NIBAN1: variants seen among roughly 807,000 people sequenced by gnomAD.
NIBAN1 encodes the protein protein Niban 1.
Under a neutral mutation model 75.1 loss-of-function variants are expected in NIBAN1, and 81 were observed. That is an observed-to-expected ratio of 1.08 (90% CI 0.90 to 1.30). NIBAN1 has a LOEUF of 1.30. Among genes scored for constraint, NIBAN1 ranks in the 50% most tolerant of loss-of-function variants. The pLI is 0.00. For missense variants in NIBAN1, 1,133 were observed against 1,128.1 expected (o/e 1.00, Z -0.06); for synonymous variants, 436 against 424.8 (o/e 1.03, Z -0.32).
At chr1:184,911,526 C>T (rs980177361) in intron 1 of NIBAN1, among the ~76,000 whole-genome samples, 8 of 152,160 alleles carry the variant, frequency 5.3e-5, no homozygotes, top group Admixed American at 2.6e-4. Flanking sequence ...AATTAAGTTG[C>T]ATCACTGTCT....
chr1:184,904,608 A>G (rs1050937135), intron 1 of NIBAN1, among the ~76,000 whole-genome samples: 6 of 151,938 alleles, frequency 3.9e-5, no homozygotes, highest in Non-Finnish European at 8.8e-5. Context: ...CCTTTTCCCC[A>G]TCCCAACCAC....
At chr1:184,867,911 A>T in intron 5 of NIBAN1, 1 of 985,454 alleles carries the variant, frequency 1.0e-6, no homozygotes, top group Non-Finnish European at 1.2e-6. Context: ...CCGTCACTTA[A>T]AGTGTCCCGT....
At position 184,792,247 on chromosome 1, in the gene NIBAN1, C is replaced by T. The variant is rs1187175297; in HGVS notation, c.*2730G>A. On this transcript the variant is annotated 3_prime_UTR_variant, in exon 14 of 14. Coordinates refer to ENST00000367511, the MANE Select transcript of NIBAN1 (RefSeq NM_052966.4). Reference sequence around the variant, plus strand: ...TAAGCTACCACATCCAGCCCAAAAACTTGTCTTTAGTGAAATATGTACAGA... The same window carrying T: ...TAAGCTACCACATCCAGCCCAAAAATTTGTCTTTAGTGAAATATGTACAGA... 6.6e-6 allele frequency: 1 copy of T among 152,196 alleles called. No homozygotes were observed. The highest frequency in any genetic ancestry group is 1.5e-5 in the Non-Finnish European group (1 of 68,046). The allele number at this position is 152,196 out of a possible 1,614,324, so 9.4% of individuals were successfully genotyped here.
At chr1:184,868,188 C>T in intron 5 of NIBAN1, 1 of 267,570 alleles carries the variant, frequency 3.7e-6, no homozygotes, top group Non-Finnish European at 5.8e-6. Context: ...ATAGAAATGT[C>T]CCACTAACAC....
At chr1:184,806,083 A>G in intron 10 of NIBAN1, 27 bp from the exon 11 acceptor site, 2 of 1,591,074 alleles carry the variant, frequency 1.3e-6, no homozygotes, top group Non-Finnish European at 1.7e-6. Context: ...ACACAGAAAC[A>G]GACAACAGTC....
rs578139767 is a variant in NIBAN1, at chr1:184,795,321, G to A, written c.2443C>T (p.Leu815Phe). The A allele has an allele frequency of 1.3e-5, 21 of 1,611,288 alleles. No homozygotes were observed. The East Asian group carries it at 4.2e-4, about 33-fold the overall frequency. Residue 815 changes from leucine to phenylalanine, a missense_variant, in exon 14 of 14, where the codon CTC (leucine) becomes TTC (phenylalanine). Leu to Phe is a conservative substitution (Grantham distance 22). Transcript: ENST00000367511. ...GTGAGTGTGCAGGCCTCTCCTGGGA[G>A]CTCCCCCTCCATGGGCCCCAGGGGC... The part of the protein sequence containing the change: ...EEPLGPMEGE[L>F]PGEACTLTAH...
intron 7 of NIBAN1, 35 bp from the exon 8 acceptor site, chr1:184,823,364 G>C: frequency 1.2e-6 from 2 of 1,611,220 alleles, no homozygotes; most frequent in South Asian, 2.2e-5. Flanking sequence ...TCAGGGCTCT[G>C]TCACGTGTAA....
chr1:184,888,987 G>A (rs562278022), intron 4 of NIBAN1, among the ~76,000 whole-genome samples: 3 of 152,264 alleles, frequency 2.0e-5, no homozygotes, highest in South Asian at 2.1e-4. Context: ...ACTCAGCACC[G>A]AAATAACAAT....
chr1:184,882,335 T>C (rs1280073639), intron 5 of NIBAN1, among the ~76,000 whole-genome samples: 1 of 152,146 alleles, frequency 6.6e-6, no homozygotes, highest in Non-Finnish European at 1.5e-5. Flanking sequence ...ACAATAAAGA[T>C]GAGTGGTACA....
chr1:184,919,656 T>G (rs2102016704), intron 1 of NIBAN1, among the ~76,000 whole-genome samples: 1 of 152,264 alleles, frequency 6.6e-6, no homozygotes, highest in South Asian at 2.1e-4. Flanking sequence ...CTGTTTCTCC[T>G]GAAGGGTTTC....
rs765860697 is a variant in NIBAN1 at position 184,796,033 on chromosome 1, A to G, written c.1731T>C (p.Ser577=). 7.9e-5 allele frequency: 127 copies of G among 1,608,194 alleles called. No individual in the cohort carries two copies. The highest frequency in any genetic ancestry group is 1.1e-4 in the Non-Finnish European group (125 of 1,178,868). The part of the protein sequence containing the change: ...NLFEDNMALP[S]ESVSSLTDLK... Reference sequence around the variant, plus strand: ...GATCTGTTAAGCTGGACACACTTTCACTGGGCAAGGCCATGTTATCTTCAA... The same window carrying G: ...GATCTGTTAAGCTGGACACACTTTCGCTGGGCAAGGCCATGTTATCTTCAA... The change falls in exon 14 of 14, where the codon AGT becomes AGC. Residue 577 remains serine, a synonymous_variant. Transcript: ENST00000367511.
intron 6 of NIBAN1, among the ~76,000 whole-genome samples, chr1:184,830,309 G>T (rs1654962076): frequency 6.6e-6 from 1 of 152,222 alleles, no homozygotes; most frequent in African/African-American, 2.4e-5. Flanking sequence ...CCAGTGTCAA[G>T]TGCTTCAGCC....
At chr1:184,852,213 G>C (rs1655560023) in intron 5 of NIBAN1, among the ~76,000 whole-genome samples, 1 of 152,198 alleles carries the variant, frequency 6.6e-6, no homozygotes, top group African/African-American at 2.4e-5. Flanking sequence ...GATCTCCACT[G>C]CCTCCTTCAA....
chr1:184,880,410 T>A (rs192665196), intron 5 of NIBAN1, among the ~76,000 whole-genome samples: 1 of 152,340 alleles, frequency 6.6e-6, no homozygotes, highest in East Asian at 1.9e-4. Context: ...AAAATCCTAA[T>A]GGCTTCCTAT....
chr1:184,811,833 C>T (rs968017814), intron 9 of NIBAN1, among the ~76,000 whole-genome samples: 2 of 152,126 alleles, frequency 1.3e-5, no homozygotes, highest in Non-Finnish European at 2.9e-5. Context: ...TCAGTAAAGT[C>T]CCTTTTGGCT....
rs1197956264 is a variant in NIBAN1, at chr1:184,899,204, A to T, written c.161T>A (p.Leu54Ter). 6.2e-7 allele frequency: 1 copy of T among 1,613,836 alleles called. No individual in the cohort carries two copies. The highest frequency in any genetic ancestry group is 1.3e-5 in the African/African-American group (1 of 74,908). ...CTTGGTCTTCAAAAACTGTGACGTT[A>T]AATCTCTTTGCTGTTCTACTTCAGT... is the stretch of plus-strand genomic sequence containing the variant. ...VRTEVEQQRD[L>*]TSQFLKTKPP... The change falls in exon 2 of 14, where the codon TTA becomes TAA. Residue 54 changes from leucine to a stop codon, truncating the protein, a stop_gained. Coordinates refer to ENST00000367511, the MANE Select transcript of NIBAN1 (RefSeq NM_052966.4). LOFTEE classifies it high-confidence loss of function.
rs1163880003 is a variant in NIBAN1, at chr1:184,795,081, C to A, written c.2683G>T (p.Val895Leu). 6.2e-7 allele frequency: 1 copy of A among 1,614,010 alleles called. No homozygotes were observed. Among genetic ancestry groups the A allele is most frequent in the Non-Finnish European group, 8.5e-7 (1 of 1,180,054 alleles). The change falls in exon 14 of 14, where the codon GTG becomes TTG. Residue 895 changes from valine (V) to leucine (L), a missense_variant. Transcript: ENST00000367511. ...VARIHECQWV[V>L]EDAPNPDVLL... ...ACATCCGGGTTTGGAGCATCCTCCA[C>A]CACCCACTGACACTCATGAATACGG...
At chr1:184,912,809 T>C (rs1213486992) in intron 1 of NIBAN1, among the ~76,000 whole-genome samples, 2 of 152,212 alleles carry the variant, frequency 1.3e-5, no homozygotes, top group Non-Finnish European at 1.5e-5. Context: ...AGACTACTGC[T>C]AGCTGTATAG....
chr1:184,816,857 G>C (rs1654551437), intron 9 of NIBAN1, among the ~76,000 whole-genome samples: 2 of 150,836 alleles, frequency 1.3e-5, no homozygotes, highest in African/African-American at 2.4e-5. Context: ...ACCAAAAGGG[G>C]GGAATTATTA....
Sources: gnomAD v4.1 joint callset for allele counts (sites outside exome capture counted in the v4.1 genomes callset) on GRCh38, gnomAD v4.1.1 for gene constraint, MANE v1.5 for transcripts, NCBI Gene and HGNC (gene_info 2026-07-23, HGNC 2026-07-21) for gene names.